ADGRL3: variants seen among roughly 807,000 people sequenced by gnomAD.
ADGRL3 encodes calcium-independent alpha-latrotoxin receptor 3.
Under a neutral mutation model 153.5 loss-of-function variants are expected in ADGRL3, and 62 were observed. The observed-to-expected ratio is 0.40, with a 90% CI of 0.33 to 0.50. ADGRL3 has a LOEUF of 0.50. Ranked by LOEUF, ADGRL3 falls within the 20% of genes least tolerant of loss-of-function variation. The pLI, the probability that ADGRL3 is intolerant of heterozygous loss-of-function variation, is 0.47. For missense variants in ADGRL3, 1,641 were observed against 1,859.4 expected (o/e 0.88, Z 2.16); for synonymous variants, 710 against 672.5 (o/e 1.06, Z -0.86).
At chr4:61,401,793 G>C (rs1182871645) in intron 2 of ADGRL3, among the ~76,000 whole-genome samples, 1 of 152,074 alleles carries the variant, frequency 6.6e-6, no homozygotes, top group Non-Finnish European at 1.5e-5. Flanking sequence ...TGTAGATTCA[G>C]TGTTTCTCTA....
chr4:61,291,098 G>A lies in ADGRL3; in HGVS notation c.-240+89333G>A, dbSNP rs1008876360. On this transcript the variant is annotated intron_variant, in intron 1 of 26. Transcript: ENST00000683033. ...TATGGTTCCTTATTAAGACATTTTC[G>A]ATGTTTATTTTCAGTTTTAAAGAAC... Among the ~76,000 whole-genome samples the A allele has an allele frequency of 3.1e-4, 46 of 150,026 alleles. 1 individual carries two copies. Among genetic ancestry groups the A allele is most frequent in the Admixed American group, 3.0e-3 (45 of 14,944 alleles).
chr4:61,956,678 T>G (rs2098968169), intron 17 of ADGRL3, among the ~76,000 whole-genome samples: 1 of 152,188 alleles, frequency 6.6e-6, no homozygotes, highest in Non-Finnish European at 1.5e-5. Context: ...GGGTTTTATG[T>G]TTAAGTCTTT....
intron 2 of ADGRL3, among the ~76,000 whole-genome samples, chr4:61,402,925 C>T (rs756574642): frequency 5.9e-5 from 9 of 151,898 alleles, no homozygotes; most frequent in Non-Finnish European, 1.2e-4. Context: ...GGCTTAAAAA[C>T]GGTAGTTTAT....
chr4:61,502,882 T>G (rs560550890), intron 3 of ADGRL3, among the ~76,000 whole-genome samples: 9 of 152,306 alleles, frequency 5.9e-5, no homozygotes, highest in Admixed American at 4.6e-4. Context: ...TTTTTAGAAA[T>G]TAATCATCCT....
chr4:62,063,749 G>GA (rs1741465029), intron 25 of ADGRL3: 1 of 490,518 alleles, frequency 2.0e-6, no homozygotes, highest in East Asian at 3.1e-5. Flanking sequence ...CAGACCTGCA[G>GA]ACTCCTTTCG....
At chr4:61,709,598 T>C (rs1319950444) in intron 6 of ADGRL3, among the ~76,000 whole-genome samples, 2 of 152,184 alleles carry the variant, frequency 1.3e-5, no homozygotes, top group South Asian at 2.1e-4. Context: ...CACTCACTGT[T>C]ACATAGGCAA....
In ADGRL3 at chr4:61,808,092, A is replaced by G. The variant is rs1180332433; in HGVS notation, c.1400-5717A>G. Among the ~76,000 whole-genome samples the G allele has an allele frequency of 2.0e-5, 3 of 152,030 alleles. No homozygotes were observed. The South Asian group carries it at 6.2e-4, about 32-fold the overall frequency. On this transcript the variant is annotated intron_variant, in intron 8 of 26. Transcript: ENST00000683033. ...CCTCAGATCTCAGCTTTCTCCAGGT[A>G]CTGATTGTCCATTACTTTACTCACC...
At chr4:61,458,595 T>G (rs1488924213) in intron 2 of ADGRL3, among the ~76,000 whole-genome samples, 2 of 151,566 alleles carry the variant, frequency 1.3e-5, no homozygotes. Context: ...TTCTGAAATT[T>G]GACTCCCAGA....
chr4:61,732,996 G>T lies in ADGRL3; in HGVS notation c.841G>T (p.Val281Leu), dbSNP rs757610968. The T allele has an allele frequency of 5.6e-6, 9 of 1,613,654 alleles. No individual in the cohort carries two copies. Among genetic ancestry groups the T allele is most frequent in the Non-Finnish European group, 7.6e-6 (9 of 1,179,832 alleles). The change falls in exon 8 of 27, where the codon GTG becomes TTG. Residue 281 changes from valine to leucine, a missense_variant. Coordinates refer to ENST00000683033, the MANE Select transcript of ADGRL3 (RefSeq NM_001387552.1). The stretch of plus-strand genomic sequence containing the variant: ...CAGGGTGGATGGCACAGGATTTGTA[G>T]TGTATGATGGAGCTTTGTTCTTCAA... ...PHRVDGTGFV[V>L]YDGALFFNKE...
At chr4:61,511,228 C>T (rs558985210) in intron 3 of ADGRL3, among the ~76,000 whole-genome samples, 51 of 152,190 alleles carry the variant, frequency 3.4e-4, no homozygotes, top group African/African-American at 1.1e-3. Flanking sequence ...GACATGGTGG[C>T]GGGTGCCACC....
At chr4:61,917,922 T>G (rs2149929577) in intron 13 of ADGRL3, among the ~76,000 whole-genome samples, 1 of 152,276 alleles carries the variant, frequency 6.6e-6, no homozygotes, top group Admixed American at 6.5e-5. Context: ...GCCCAGATTC[T>G]GATAGATCAT....
intron 1 of ADGRL3, among the ~76,000 whole-genome samples, chr4:61,271,850 C>T (rs201425861): frequency 5.1e-4 from 77 of 152,072 alleles, no homozygotes; most frequent in East Asian, 2.3e-3. Flanking sequence ...TCTTCATTCT[C>T]TTTATAGAAT....
At chr4:61,680,203 A>T (rs560814051) in intron 6 of ADGRL3, among the ~76,000 whole-genome samples, 1 of 152,154 alleles carries the variant, frequency 6.6e-6, no homozygotes, top group African/African-American at 2.4e-5. Flanking sequence ...TTTCAGACTT[A>T]GGATTTAATA....
At chr4:61,814,185 C>T (rs2097662267) in intron 9 of ADGRL3, among the ~76,000 whole-genome samples, 1 of 151,412 alleles carries the variant, frequency 6.6e-6, no homozygotes, top group African/African-American at 2.4e-5. Context: ...TACCAGATAA[C>T]CGTTAACTTT....
At chr4:61,325,186 C>G (rs1404902783) in intron 1 of ADGRL3, among the ~76,000 whole-genome samples, 2 of 152,022 alleles carry the variant, frequency 1.3e-5, no homozygotes, top group Non-Finnish European at 2.9e-5. Context: ...GTGGCATGTG[C>G]TTGTAATCCC....
At chr4:61,437,776 C>T (rs566583415) in intron 2 of ADGRL3, among the ~76,000 whole-genome samples, 2 of 152,134 alleles carry the variant, frequency 1.3e-5, no homozygotes, top group African/African-American at 4.8e-5. Flanking sequence ...ATCAGCTCCA[C>T]CTCAGACAAG....
chr4:61,540,588 C>G (rs2098684452), intron 4 of ADGRL3, among the ~76,000 whole-genome samples: 1 of 151,792 alleles, frequency 6.6e-6, no homozygotes, highest in Non-Finnish European at 1.5e-5. Flanking sequence ...AAAAAAAATA[C>G]AATGGATTTT....
intron 6 of ADGRL3, among the ~76,000 whole-genome samples, chr4:61,683,118 T>A (rs2095371460): frequency 6.6e-6 from 1 of 150,592 alleles, no homozygotes; most frequent in Admixed American, 6.6e-5. Flanking sequence ...AGCTGTATTT[T>A]TTTTTTTTTT....
intron 1 of ADGRL3, among the ~76,000 whole-genome samples, chr4:61,288,475 T>G (rs1044719881): frequency 3.9e-5 from 6 of 151,990 alleles, no homozygotes; most frequent in African/African-American, 1.4e-4. Flanking sequence ...TTCAGATGTC[T>G]TCACATCAGG....
Sources: gnomAD v4.1 joint callset for allele counts (sites outside exome capture counted in the v4.1 genomes callset) on GRCh38, gnomAD v4.1.1 for gene constraint, MANE v1.5 for transcripts, NCBI Gene and HGNC (gene_info 2026-07-23, HGNC 2026-07-21) for gene names.